Variants in FKBP15 observed in about 807,000 individuals in gnomAD.
FKBP15 encodes FK506-binding protein 15.
Under a neutral mutation model 158.1 loss-of-function variants are expected in FKBP15, and 106 were observed. That is an observed-to-expected ratio of 0.67 (90% CI 0.57 to 0.79). FKBP15 has a LOEUF of 0.79. FKBP15 is among the 30% of genes least tolerant of loss of function. FKBP15 has a pLI of 0.00. For synonymous variants in FKBP15, 547 were observed against 548.6 expected (o/e 1.00, Z 0.04); for missense variants, 1,287 against 1,479.1 (o/e 0.87, Z 2.13).
intron 1 of FKBP15, among the ~76,000 whole-genome samples, chr9:113,215,562 G>T (rs1266098789): frequency 1.4e-5 from 2 of 147,992 alleles, no homozygotes; most frequent in African/African-American, 5.0e-5. Flanking sequence ...ATATGTGTGT[G>T]TATATATAAA....
chr9:113,165,910 C>T lies in FKBP15; in HGVS notation c.*168G>A, dbSNP rs964605621. The T allele has an allele frequency of 3.7e-5, 21 of 566,568 alleles. No individual in the cohort carries two copies. Among genetic ancestry groups the T allele is most frequent in the Middle Eastern group, 4.8e-4 (1 of 2,092 alleles). The allele number at this position is 566,568 out of a possible 1,614,324, so 35.1% of individuals were successfully genotyped here. ...TTATGATCCTCTTCACCAGGTCTGGCGGGGGTGGGGCTCAGAAGGTGGCCA... is the reference window on the plus strand; with the variant it reads ...TTATGATCCTCTTCACCAGGTCTGGTGGGGGTGGGGCTCAGAAGGTGGCCA... On this transcript the variant is annotated 3_prime_UTR_variant, in exon 28 of 28. Transcript: ENST00000238256.
chr9:113,179,523 A>G (rs1830355641), intron 19 of FKBP15, among the ~76,000 whole-genome samples: 1 of 152,036 alleles, frequency 6.6e-6, no homozygotes, highest in Non-Finnish European at 1.5e-5. Context: ...TTAGCCAGGC[A>G]TGGTGGTGGG....
chr9:113,169,829 T>G lies in FKBP15; in HGVS notation c.2880A>C (p.Ser960=), dbSNP rs1309811513. 2.6e-6 allele frequency: 4 copies of G among 1,561,264 alleles called. No individual in the cohort carries two copies. In the Admixed American group the frequency reaches 7.7e-5, roughly 30 times the overall value. The change falls in exon 26 of 28, where the codon TCA becomes TCC. Residue 960 remains serine (S), a synonymous_variant. Coordinates refer to ENST00000238256, the MANE Select transcript of FKBP15 (RefSeq NM_015258.2). ...ERPRRPSQEQ[S]ASASSGQPQA... ...GAGGCTGCCCAGAACTGGCTGAGGC[T>G]GACTGCTCCTGGGAAGGTCTTCGTG...
intron 6 of FKBP15, among the ~76,000 whole-genome samples, chr9:113,202,012 T>C (rs1326312576): frequency 6.6e-6 from 1 of 152,146 alleles, no homozygotes; most frequent in Non-Finnish European, 1.5e-5. Flanking sequence ...ACAATGAGTA[T>C]GTAGTAACTT....
intron 1 of FKBP15, among the ~76,000 whole-genome samples, chr9:113,215,340 G>C (rs58930207): frequency 0.14 from 20,371 of 150,570 alleles, 1,617 homozygotes; most frequent in East Asian, 0.34. Flanking sequence ...ATATTGCTGA[G>C]TCATGGAGTA....
At chr9:113,207,349 T>C in intron 2 of FKBP15, 53 bp from the exon 3 acceptor site, 1 of 1,371,536 alleles carries the variant, frequency 7.3e-7, no homozygotes, top group Non-Finnish European at 1.0e-6. Flanking sequence ...TTTAAACTAA[T>C]TTTTTTTAAA....
chr9:113,173,939 G>A (rs925049520), intron 22 of FKBP15, among the ~76,000 whole-genome samples: 1 of 152,018 alleles, frequency 6.6e-6, no homozygotes, highest in South Asian at 2.1e-4. Flanking sequence ...TCCCAGAGGT[G>A]GTCAAATTGA....
At chr9:113,214,585 A>T (rs935463524) in intron 1 of FKBP15, among the ~76,000 whole-genome samples, 1 of 152,208 alleles carries the variant, frequency 6.6e-6, no homozygotes, top group African/African-American at 2.4e-5. Flanking sequence ...ATAATGCCTA[A>T]GGGCCCTAGG....
chr9:113,218,537 A>G (rs1263251500), intron 1 of FKBP15, among the ~76,000 whole-genome samples: 4 of 152,096 alleles, frequency 2.6e-5, no homozygotes, highest in Non-Finnish European at 5.9e-5. Flanking sequence ...AGCACAGAGT[A>G]CGTATTTATA....
chr9:113,168,232 GA>G (rs1455740722), intron 27 of FKBP15, among the ~76,000 whole-genome samples: 1 of 151,740 alleles, frequency 6.6e-6, no homozygotes, highest in Non-Finnish European at 1.5e-5. Flanking sequence ...TTCCTGCATG[GA>G]CAGAGACTAT....
At position 113,162,600 on chromosome 9, in the gene FKBP15, G is replaced by A; in HGVS notation, c.*3478C>T. On this transcript the variant is annotated 3_prime_UTR_variant, in exon 28 of 28. Coordinates refer to ENST00000238256, the MANE Select transcript of FKBP15 (RefSeq NM_015258.2). ...TTTTCTGGGGGCGGGGGTGGGAGGG[G>A]CAGAAAGAAATCACTCCTGGGTTAA... The A allele has an allele frequency of 7.8e-6, 5 of 640,494 alleles. No individual in the cohort carries two copies. The highest frequency in any genetic ancestry group is 1.3e-5 in the Non-Finnish European group (5 of 390,858). 39.7% of individuals were successfully genotyped at this position (640,494 alleles called of 1,614,324 possible).
chr9:113,185,030 G>A (rs1479111371), intron 15 of FKBP15, among the ~76,000 whole-genome samples: 2 of 152,170 alleles, frequency 1.3e-5, no homozygotes, highest in African/African-American at 4.8e-5. Flanking sequence ...AATGCATCAA[G>A]GGCTACATCT....
chr9:113,178,606 C>A, intron 20 of FKBP15, 24 bp downstream of exon 20: 1 of 1,566,054 alleles, frequency 6.4e-7, no homozygotes, highest in East Asian at 2.3e-5. Context: ...GCAACAATCC[C>A]AGCATCCCCC....
intron 4 of FKBP15, chr9:113,206,121 G>T (rs962994962): frequency 1.1e-5 from 2 of 180,186 alleles, no homozygotes; most frequent in African/African-American, 2.4e-5. Context: ...AATGGCACTG[G>T]ATTATGCACT....
At position 113,164,903 on chromosome 9, in the gene FKBP15, G is replaced by C. The variant is rs1830073962; in HGVS notation, c.*1175C>G. On this transcript the variant is annotated 3_prime_UTR_variant, in exon 28 of 28. Transcript: ENST00000238256. ...TTGTTAAGCAACAAAGAAATAATTAGTTCTCACTGCCTCCCAGGTCCGCAC... is the reference window on the plus strand; with the variant it reads ...TTGTTAAGCAACAAAGAAATAATTACTTCTCACTGCCTCCCAGGTCCGCAC... 6.6e-6 allele frequency: 1 copy of C among 152,208 alleles called. No homozygotes were observed. The highest frequency in any genetic ancestry group is 1.5e-5 in the Non-Finnish European group (1 of 68,050). 9.4% of individuals were successfully genotyped at this position (152,208 alleles called of 1,614,324 possible).
rs1479851101 is a variant in FKBP15, at chr9:113,202,555, CT to C, written c.473del (p.Lys158ArgfsTer37). 8 of 1,582,856 alleles carry C rather than the reference CT, an allele frequency of 5.1e-6. No individual in the cohort carries two copies. Among genetic ancestry groups the C allele is most frequent in the East Asian group, 2.3e-5 (1 of 43,808 alleles). On this transcript the variant is annotated frameshift_variant, in exon 6 of 28. Transcript: ENST00000238256. LOFTEE classifies it high-confidence loss of function. Reference protein sequence around the residue: ...QNWSIMFESEKAAVEFNKQVC... With the variant: ...QNWSIMFESEXAAVEFNKQVC... ...CCTGCTTATTGAACTCCACAGCAGC[CT>C]TTTCCGACTCAAACATGATGGACCA...
rs1252518672 is a variant in FKBP15 at position 113,202,600 on chromosome 9, A to G, written c.429T>C (p.Tyr143=). 3 of 1,578,044 alleles carry G rather than the reference A, an allele frequency of 1.9e-6. No homozygotes were observed. The highest frequency in any genetic ancestry group is 2.6e-6 in the Non-Finnish European group (3 of 1,160,614). ...MVRPNNYSTF[Y]DDQRQNWSIM... is the part of the protein sequence containing the mutation. Reference sequence around the variant, plus strand: ...TGGACCAGTTCTGTCTCTGGTCATCATAAAAGGTGCTATAGTTATTGGGCC... The same window carrying G: ...TGGACCAGTTCTGTCTCTGGTCATCGTAAAAGGTGCTATAGTTATTGGGCC... Residue 143 remains tyrosine, a synonymous_variant, in exon 6 of 28, where the codon TAT becomes TAC. Transcript: ENST00000238256.
Position 113,199,826 on chromosome 9 carries a change from A to G in FKBP15, c.636T>C (p.His212=), listed in dbSNP as rs748174595. 1.2e-6 allele frequency: 2 copies of G among 1,612,640 alleles called. No individual in the cohort carries two copies. The highest frequency in any genetic ancestry group is 1.1e-5 in the South Asian group (1 of 90,698). Residue 212 remains histidine (H), a synonymous_variant, in exon 7 of 28, where the codon CAT becomes CAC. Coordinates refer to ENST00000238256, the MANE Select transcript of FKBP15 (RefSeq NM_015258.2). ...TGCATTTTCTTACCTGGCCCAGCAC[A>G]TGATTCTGAAAGAGCCAGCCGGTAT... ...VAYTGWLFQN[H]VLGQVFDSTA... is the part of the protein sequence containing the mutation.
intron 4 of FKBP15, 43 bp from the exon 5 acceptor site, chr9:113,203,078 A>G (rs1352239574): frequency 1.5e-5 from 20 of 1,344,934 alleles, no homozygotes; most frequent in Non-Finnish European, 2.1e-5. Context: ...AAAGAGAGAC[A>G]GCAGAAGTTA....
Sources: allele counts gnomAD v4.1 joint callset (sites outside exome capture counted in the v4.1 genomes callset), GRCh38; gene constraint gnomAD v4.1.1; transcripts MANE v1.5; gene names NCBI Gene and HGNC (gene_info 2026-07-23, HGNC 2026-07-21).